Variants in XYLT1 observed in about 807,000 individuals in gnomAD.
XYLT1 encodes beta-D-xylosyltransferase 1.
XYLT1 carries 36 observed loss-of-function variants against 91.3 expected under a neutral mutation model. The observed-to-expected ratio is 0.39, with a 90% CI of 0.30 to 0.52. XYLT1 has a LOEUF of 0.52. Ranked by LOEUF, XYLT1 falls within the 20% of genes least tolerant of loss-of-function variation. The pLI is 0.68. For missense variants in XYLT1, 1,242 were observed against 1,284.5 expected, an observed-to-expected ratio of 0.97 and a Z score of 0.51; for synonymous variants, 588 against 532.0, an observed-to-expected ratio of 1.11 and a Z score of -1.45.
At chr16:17,282,702 A>G (rs2141786543) in intron 2 of XYLT1, among the ~76,000 whole-genome samples, 1 of 152,366 alleles carries the variant, frequency 6.6e-6, no homozygotes, top group Middle Eastern at 3.4e-3. Flanking sequence ...GGGCTGCAAG[A>G]CCTGGTTGTA....
intron 1 of XYLT1, among the ~76,000 whole-genome samples, chr16:17,413,236 T>C (rs982407761): frequency 1.3e-5 from 2 of 152,156 alleles, no homozygotes; most frequent in East Asian, 1.9e-4. Context: ...TATACAGGCA[T>C]GCATCAATGC....
At chr16:17,307,282 G>T (rs907815662) in intron 2 of XYLT1, among the ~76,000 whole-genome samples, 3 of 152,152 alleles carry the variant, frequency 2.0e-5, no homozygotes, top group Admixed American at 6.5e-5. Flanking sequence ...TCACCATGCT[G>T]GTCAGGCTGG....
At chr16:17,333,715 G>C (rs1012836379) in intron 2 of XYLT1, among the ~76,000 whole-genome samples, 3 of 151,358 alleles carry the variant, frequency 2.0e-5, no homozygotes. Flanking sequence ...GGCCTCCCAA[G>C]TAACTGGGAT....
rs779548774 is a variant in XYLT1, at chr16:17,117,866, G to A, written c.2337C>T (p.Thr779=). Residue 779 remains threonine, a synonymous_variant, in exon 11 of 12, where the codon ACC becomes ACT. Transcript: ENST00000261381. The part of the protein sequence containing the change: ...MQKWGKGPNV[T]VTVIWVDPVN... ...CGGGATCCACCCAAATGACGGTCAC[G>A]GTCACATTAGGTCCCTTCCCCCACT... The A allele has an allele frequency of 6.2e-6, 10 of 1,614,040 alleles. No individual in the cohort carries two copies. The highest frequency in any genetic ancestry group is 7.6e-6 in the Non-Finnish European group (9 of 1,180,014).
intron 5 of XYLT1, among the ~76,000 whole-genome samples, chr16:17,183,916 C>T (rs1053591913): frequency 6.6e-6 from 1 of 151,986 alleles, no homozygotes; most frequent in African/African-American, 2.4e-5. Flanking sequence ...AATCTTTGCC[C>T]TCATCAATTT....
At chr16:17,263,521 G>A (rs945604742) in intron 2 of XYLT1, among the ~76,000 whole-genome samples, 1 of 151,734 alleles carries the variant, frequency 6.6e-6, no homozygotes, top group East Asian at 1.9e-4. Context: ...GAGTATAAGA[G>A]GGAAGGAAAA....
chr16:17,385,269 T>TAC (rs566134163), intron 1 of XYLT1, among the ~76,000 whole-genome samples: 14,941 of 119,756 alleles, frequency 0.12, 853 homozygotes, highest in East Asian at 0.32. Context: ...TAAACACACA[T>TAC]ACACACACAC....
chr16:17,237,310 A>T (rs2033264237), intron 3 of XYLT1, among the ~76,000 whole-genome samples: 1 of 152,190 alleles, frequency 6.6e-6, no homozygotes, highest in African/African-American at 2.4e-5. Context: ...GAAGTTCCAA[A>T]ATACATTAGA....
chr16:17,304,199 G>C (rs1260057957), intron 2 of XYLT1, among the ~76,000 whole-genome samples: 2 of 152,116 alleles, frequency 1.3e-5, no homozygotes, highest in East Asian at 1.9e-4. Flanking sequence ...GAACAGAGGA[G>C]AGCAGCAGTT....
chr16:17,361,333 C>T (rs1422271958), intron 1 of XYLT1, among the ~76,000 whole-genome samples: 4 of 152,174 alleles, frequency 2.6e-5, no homozygotes, highest in Non-Finnish European at 4.4e-5. Context: ...ATCAGCCGAC[C>T]CCCTGCCAAC....
chr16:17,287,284 A>G (rs2034155746), intron 2 of XYLT1, among the ~76,000 whole-genome samples: 1 of 151,728 alleles, frequency 6.6e-6, no homozygotes, highest in Admixed American at 6.6e-5. Flanking sequence ...AATCAACCCA[A>G]TCCAAGGCTG....
At chr16:17,385,885 C>T (rs928116786) in intron 1 of XYLT1, among the ~76,000 whole-genome samples, 1 of 152,148 alleles carries the variant, frequency 6.6e-6, no homozygotes, top group Non-Finnish European at 1.5e-5. Context: ...CTAACAGTGG[C>T]AATAGATGTG....
intron 2 of XYLT1, among the ~76,000 whole-genome samples, chr16:17,290,536 T>C (rs1428795601): frequency 2.0e-5 from 3 of 152,306 alleles, no homozygotes; most frequent in East Asian, 1.9e-4. Flanking sequence ...GTGTTCAGAA[T>C]CCCCTACTGT....
At chr16:17,461,038 C>T (rs1161099128) in intron 1 of XYLT1, among the ~76,000 whole-genome samples, 2 of 152,208 alleles carry the variant, frequency 1.3e-5, no homozygotes, top group Non-Finnish European at 2.9e-5. Context: ...AAGTGCCATA[C>T]CACCGATGAT....
intron 1 of XYLT1, among the ~76,000 whole-genome samples, chr16:17,422,412 T>G (rs984101836): frequency 6.6e-6 from 1 of 152,216 alleles, no homozygotes; most frequent in Admixed American, 6.5e-5. Flanking sequence ...TTGCCCAAGC[T>G]GGTCTCAAAC....
intron 2 of XYLT1, among the ~76,000 whole-genome samples, chr16:17,326,594 C>T (rs1406651709): frequency 1.3e-5 from 2 of 151,920 alleles, no homozygotes; most frequent in East Asian, 1.9e-4. Context: ...GAGGCCGAGG[C>T]GGGCGGATCA....
At chr16:17,386,861 A>T (rs1401908545) in intron 1 of XYLT1, among the ~76,000 whole-genome samples, 1 of 152,214 alleles carries the variant, frequency 6.6e-6, no homozygotes, top group Non-Finnish European at 1.5e-5. Context: ...ACAGATGAAG[A>T]AACTGAGGCT....
intron 1 of XYLT1, among the ~76,000 whole-genome samples, chr16:17,403,794 T>G (rs901753937): frequency 6.6e-6 from 1 of 152,194 alleles, no homozygotes; most frequent in African/African-American, 2.4e-5. Context: ...GGCCCTTTCC[T>G]CAAAGCCCAT....
intron 1 of XYLT1, among the ~76,000 whole-genome samples, chr16:17,378,221 G>A (rs1282358162): frequency 6.6e-6 from 1 of 152,044 alleles, no homozygotes; most frequent in Non-Finnish European, 1.5e-5. Flanking sequence ...AATGTTGAAG[G>A]GACAATATGC....
Sources: gnomAD v4.1 joint callset for allele counts (sites outside exome capture counted in the v4.1 genomes callset) on GRCh38, gnomAD v4.1.1 for gene constraint, MANE v1.5 for transcripts, NCBI Gene and HGNC (gene_info 2026-07-23, HGNC 2026-07-21) for gene names.